The following RBM33 variants were observed in gnomAD, a reference collection of about 807,000 sequenced individuals.
RBM33 encodes RNA binding motif protein 33.
A neutral mutation model predicts 132.6 loss-of-function variants in RBM33; 28 were observed. That is an observed-to-expected ratio of 0.21 (90% CI 0.16 to 0.29). The LOEUF is 0.29. Ranked by LOEUF, RBM33 falls within the 10% of genes least tolerant of loss-of-function variation. The pLI, the probability that RBM33 is intolerant of heterozygous loss-of-function variation, is 1.00. For synonymous variants in RBM33, 634 were observed against 593.0 expected (o/e 1.07, Z -1.01); for missense variants, 1,291 against 1,518.5 (o/e 0.85, Z 2.49).
At chr7:155,739,686 T>C (rs1294428281) in intron 11 of RBM33, 29 bp from the exon 12 acceptor site, 1 of 1,524,482 alleles carries the variant, frequency 6.6e-7, no homozygotes, top group South Asian at 1.3e-5. Context: ...ATTTATGAAC[T>C]GTTGTTTCTC....
intron 14 of RBM33, among the ~76,000 whole-genome samples, chr7:155,760,983 C>T (rs73167191): frequency 0.067 from 10,136 of 152,222 alleles, 531 homozygotes; most frequent in African/African-American, 0.14. Context: ...ACGTTTCAGG[C>T]GATGATAATT....
chr7:155,652,301 C>T (rs562236370), intron 1 of RBM33, among the ~76,000 whole-genome samples: 26 of 152,264 alleles, frequency 1.7e-4, no homozygotes, highest in Admixed American at 5.9e-4. Flanking sequence ...TGAACTCCGC[C>T]GTTTACCTTG....
At chr7:155,722,880 G>A (rs751188907) in intron 9 of RBM33, among the ~76,000 whole-genome samples, 3 of 152,032 alleles carry the variant, frequency 2.0e-5, no homozygotes, top group African/African-American at 4.8e-5. Flanking sequence ...TTGGTGTTTC[G>A]GGCAAATAGT....
chr7:155,748,214 G>A (rs760544844), intron 14 of RBM33, among the ~76,000 whole-genome samples: 18 of 152,222 alleles, frequency 1.2e-4, no homozygotes, highest in Admixed American at 3.9e-4. Context: ...GTTGGTTCGC[G>A]TTTCCCATTT....
Position 155,774,915 on chromosome 7 carries a change from T to C in RBM33, c.3465-78T>C, listed in dbSNP as rs2117089130. 7.2e-7 allele frequency: 1 copy of C among 1,383,794 alleles called. No individual in the cohort carries two copies. Among genetic ancestry groups the C allele is most frequent in the Admixed American group, 1.7e-5 (1 of 58,706 alleles). 85.7% of individuals were successfully genotyped at this position (1,383,794 alleles called of 1,614,324 possible). A position where few individuals can be genotyped will look rare whatever the true frequency, so the allele number is the denominator to read the frequency against. ...TTATTAAACAGGACCCACCGGGCTC[T>C]TTTAGTTTCCTCCCACCTTGGTAGG... On this transcript the variant is annotated intron_variant, in intron 17 of 17. Transcript: ENST00000401878. The surrounding 1 kb of genome is among the most constrained non-coding windows in gnomAD (Gnocchi z 4.2).
intron 4 of RBM33, among the ~76,000 whole-genome samples, chr7:155,679,256 A>G (rs540616921): frequency 6.6e-6 from 1 of 152,124 alleles, no homozygotes; most frequent in Non-Finnish European, 1.5e-5. Context: ...GGTTATGAAG[A>G]TTTAGTATGG....
intron 14 of RBM33, among the ~76,000 whole-genome samples, chr7:155,749,218 A>T (rs1248565944): frequency 6.6e-6 from 1 of 152,220 alleles, no homozygotes; most frequent in Non-Finnish European, 1.5e-5. Flanking sequence ...GGCATTTCAT[A>T]ACTTCCCATT....
At chr7:155,723,747 T>C (rs551069595) in intron 9 of RBM33, among the ~76,000 whole-genome samples, 1 of 152,324 alleles carries the variant, frequency 6.6e-6, no homozygotes, top group South Asian at 2.1e-4. Flanking sequence ...CTCCTTGAAA[T>C]CACATAAAAT....
rs753480743 is a variant in RBM33 at position 155,742,096 on chromosome 7, C to T, written c.2327C>T (p.Thr776Ile). 8.7e-6 allele frequency: 14 copies of T among 1,612,554 alleles called. No individual in the cohort carries two copies. The East Asian group carries it at 2.9e-4, about 33-fold the overall frequency. ...GCTCAACCTAAAGAAGAGGCAAAAA[C>T]AGAAACAGAGGTAGGACACTGCTCT... ...PVAQPKEEAK[T>I]ETEFPDEDEE... The change falls in exon 13 of 18, where the codon ACA becomes ATA. Residue 776 changes from threonine (T) to isoleucine (I), a missense_variant. Physicochemically the swap from Thr to Ile is moderately conservative, Grantham distance 89. Coordinates refer to ENST00000401878, the MANE Select transcript of RBM33 (RefSeq NM_053043.3).
rs192942920 is a variant in RBM33 at position 155,687,100 on chromosome 7, T to C, written c.567+6192T>C. On this transcript the variant is annotated intron_variant, in intron 5 of 17. Coordinates refer to ENST00000401878, the MANE Select transcript of RBM33 (RefSeq NM_053043.3). ...AACTAGTTTACAGTCCCACCAACAG[T>C]GTAAAAGTATTCCTATTTGTCCACA... 1.1e-3 allele frequency among the ~76,000 whole-genome samples: 169 copies of C among 152,356 alleles called. 2 individuals are homozygous for C. The highest frequency in any genetic ancestry group is 3.9e-3 in the African/African-American group (163 of 41,584).
rs768046682 is a variant in RBM33, at chr7:155,774,667, C to T, written c.3464+20C>T. On this transcript the variant is annotated intron_variant, in intron 17 of 17. Transcript: ENST00000401878. This position sits in a 1 kb window ranked among gnomAD's most constrained non-coding sequence, Gnocchi z 4.2. ...CCACAGGTGACCAGTGTGTTCTGTG[C>T]TTGTGGTGATAAGGGGGCGGGAGCA... 3.1e-6 allele frequency: 5 copies of T among 1,601,998 alleles called. No homozygotes were observed. Among genetic ancestry groups the T allele is most frequent in the Non-Finnish European group, 4.3e-6 (5 of 1,169,060 alleles).
At chr7:155,683,473 A>G (rs886704572) in intron 5 of RBM33, among the ~76,000 whole-genome samples, 1 of 152,200 alleles carries the variant, frequency 6.6e-6, no homozygotes, top group Admixed American at 6.5e-5. Context: ...TGAAATGTGG[A>G]TCTGTTGGAA....
chr7:155,764,497 C>T (rs116794934), intron 15 of RBM33, among the ~76,000 whole-genome samples: 5,273 of 152,328 alleles, frequency 0.035, 291 homozygotes, highest in African/African-American at 0.12. Context: ...TTCCCTTAAC[C>T]CTGGGGATTG....
rs573321629 is a variant in RBM33 at position 155,758,738 on chromosome 7, G to A, written c.2980-5074G>A. ...GGAAGAGTCTTTCCTTGAAAGTTGGGTAGTCGGCATCACAAGACTCTGAAG... is the reference window on the plus strand; with the variant it reads ...GGAAGAGTCTTTCCTTGAAAGTTGGATAGTCGGCATCACAAGACTCTGAAG... On this transcript the variant is annotated intron_variant, in intron 14 of 17. Coordinates refer to ENST00000401878, the MANE Select transcript of RBM33 (RefSeq NM_053043.3). Among the ~76,000 whole-genome samples the A allele has an allele frequency of 9.5e-4, 144 of 152,244 alleles. 2 individuals carry two copies. The highest frequency in any genetic ancestry group is 3.2e-3 in the African/African-American group (134 of 41,542).
intron 13 of RBM33, among the ~76,000 whole-genome samples, 186 bp from the exon 14 acceptor site, chr7:155,744,775 G>T (rs960054439): frequency 7.1e-6 from 1 of 140,844 alleles, no homozygotes; most frequent in African/African-American, 2.9e-5. Flanking sequence ...AGCTTTAGCT[G>T]TGTGGTTTTT....
rs1799756017 is a variant in RBM33 at position 155,695,151 on chromosome 7, T to TG, written c.568-5621dup. Among the ~76,000 whole-genome samples the TG allele has an allele frequency of 4.6e-5, 7 of 152,332 alleles. No individual in the cohort carries two copies. The South Asian group carries it at 1.4e-3, about 32-fold the overall frequency. ...TCTAGTGATGTTGAGCACCATTCCATGTGCGATTGGACTTCCGTATATCTT... is the reference window on the plus strand; with the variant it reads ...TCTAGTGATGTTGAGCACCATTCCATGGTGCGATTGGACTTCCGTATATCTT... On this transcript the variant is annotated intron_variant, in intron 5 of 17. Transcript: ENST00000401878.
chr7:155,700,117 A>G (rs1391680155), intron 5 of RBM33, among the ~76,000 whole-genome samples: 1 of 152,182 alleles, frequency 6.6e-6, no homozygotes, highest in Non-Finnish European at 1.5e-5. Flanking sequence ...TACTGATATA[A>G]TAAAATTTCA....
intron 9 of RBM33, among the ~76,000 whole-genome samples, chr7:155,718,711 T>C (rs1482029759): frequency 6.6e-6 from 1 of 152,184 alleles, no homozygotes; most frequent in Non-Finnish European, 1.5e-5. Context: ...ATATTGATTT[T>C]ATTATTGCCT....
chr7:155,667,555 T>C (rs1233113289), intron 2 of RBM33, among the ~76,000 whole-genome samples: 6 of 152,220 alleles, frequency 3.9e-5, no homozygotes, highest in Admixed American at 1.3e-4. Context: ...CATTTCTTAA[T>C]GTGGAAGAAT....
Sources: allele counts gnomAD v4.1 joint callset (sites outside exome capture counted in the v4.1 genomes callset), GRCh38; gene constraint gnomAD v4.1.1; non-coding constraint Gnocchi (gnomAD v3.1); transcripts MANE v1.5; gene names NCBI Gene and HGNC (gene_info 2026-07-23, HGNC 2026-07-21).